The following PPP6R3 variants were observed in gnomAD, a reference collection of about 807,000 sequenced individuals.
The protein encoded by PPP6R3 is protein phosphatase 6 regulatory subunit 3, also known as serine/threonine-protein phosphatase 6 regulatory subunit 3.
A neutral mutation model predicts 110.7 loss-of-function variants in PPP6R3; 38 were observed. The observed-to-expected ratio is 0.34, with a 90% CI of 0.26 to 0.45. The LOEUF (loss-of-function observed/expected upper bound fraction) is 0.45, where lower values mean the gene tolerates loss of function less well. PPP6R3 is among the 20% of genes least tolerant of loss of function. The probability of loss-of-function intolerance (pLI) is 1.00; values close to 1 mark genes in which losing one functional copy is unlikely to be tolerated. For synonymous variants in PPP6R3, 369 were observed against 373.5 expected, an observed-to-expected ratio of 0.99 and a Z score of 0.14; for missense variants, 870 against 1,062.4, an observed-to-expected ratio of 0.82 and a Z score of 2.52.
chr11:68,470,078 C>T (rs1348176950), intron 1 of PPP6R3, among the ~76,000 whole-genome samples: 2 of 152,132 alleles, frequency 1.3e-5, no homozygotes, highest in Non-Finnish European at 2.9e-5. Context: ...AAACACTGTT[C>T]TACTGCTGGG....
intron 11 of PPP6R3, among the ~76,000 whole-genome samples, chr11:68,570,656 T>G (rs1257726419): frequency 6.6e-6 from 1 of 152,260 alleles, no homozygotes; most frequent in Non-Finnish European, 1.5e-5. Flanking sequence ...GTACAAGCAT[T>G]ACTTTGGATT....
chr11:68,573,154 A>ATATATATATATATATATATAT (rs35361909), intron 12 of PPP6R3, among the ~76,000 whole-genome samples: 23 of 74,298 alleles, frequency 3.1e-4, no homozygotes, highest in East Asian at 9.3e-4. Context: ...ATATATATAT[A>ATATATATATATATATATATAT]ATTTTTTTTT....
At chr11:68,475,594 C>T (rs2098823990) in intron 1 of PPP6R3, among the ~76,000 whole-genome samples, 1 of 149,714 alleles carries the variant, frequency 6.7e-6, no homozygotes, top group African/African-American at 2.5e-5. Context: ...GGGGCTGCCC[C>T]CCACCTCCCT....
At chr11:68,517,712 C>T (rs745918542) in intron 1 of PPP6R3, among the ~76,000 whole-genome samples, 4 of 152,168 alleles carry the variant, frequency 2.6e-5, no homozygotes, top group East Asian at 1.9e-4. Context: ...CCAAGGCGGA[C>T]GGATCACTTG....
chr11:68,589,001 G>A (rs1425585763), intron 16 of PPP6R3, among the ~76,000 whole-genome samples: 1 of 151,922 alleles, frequency 6.6e-6, no homozygotes, highest in Non-Finnish European at 1.5e-5. Flanking sequence ...GAGGTTAGGG[G>A]TTCGAGACCA....
chr11:68,583,406 A>G (rs1382286134), intron 15 of PPP6R3, among the ~76,000 whole-genome samples: 1 of 152,256 alleles, frequency 6.6e-6, no homozygotes, highest in African/African-American at 2.4e-5. Flanking sequence ...AAGGCATCTC[A>G]CACATGCTTG....
In PPP6R3 at chr11:68,587,724, T is replaced by G. The variant is rs2099583264; in HGVS notation, c.1633-203T>G. The G allele has an allele frequency of 4.6e-6, 3 of 645,948 alleles. No individual in the cohort carries two copies. The Admixed American group carries it at 6.9e-5, about 15-fold the overall frequency. 40.0% of individuals were successfully genotyped at this position (645,948 alleles called of 1,614,324 possible). A position where few individuals can be genotyped will look rare whatever the true frequency, so the allele number is the denominator to read the frequency against. On this transcript the variant is annotated intron_variant, in intron 15 of 23. Transcript: ENST00000393800. ...TCTTACAGTGACATGTGCATTAGAA[T>G]GATTTGTAGACCAAATTTCAAACGT...
At chr11:68,565,802 A>C (rs1341890732) in intron 9 of PPP6R3, among the ~76,000 whole-genome samples, 4 of 149,656 alleles carry the variant, frequency 2.7e-5, no homozygotes, top group African/African-American at 1.0e-4. Flanking sequence ...TACCGTTTGC[A>C]CCTGGTTTTA....
intron 11 of PPP6R3, 58 bp downstream of exon 11, chr11:68,569,955 C>G (rs1482401858): frequency 4.7e-6 from 7 of 1,493,292 alleles, no homozygotes; most frequent in Non-Finnish European, 5.5e-6. Context: ...CAGTTTTCCA[C>G]TTGACTGTGA....
At chr11:68,470,521 G>C (rs768559953) in intron 1 of PPP6R3, among the ~76,000 whole-genome samples, 4 of 152,114 alleles carry the variant, frequency 2.6e-5, no homozygotes, top group Non-Finnish European at 5.9e-5. Context: ...TTAAGATTTT[G>C]TCTTTTTCTC....
chr11:68,574,640 A>C (rs1032219718), intron 13 of PPP6R3, among the ~76,000 whole-genome samples: 5 of 152,206 alleles, frequency 3.3e-5, no homozygotes, highest in Non-Finnish European at 5.9e-5. Flanking sequence ...TTTAACTGGA[A>C]TATTAGGGCA....
rs1018500652 is a variant in PPP6R3, at chr11:68,519,481, C to CT, written c.-157-10dup. On this transcript the variant is annotated intron_variant, in intron 1 of 23. Coordinates refer to ENST00000393800, the MANE Select transcript of PPP6R3 (RefSeq NM_001164161.2). ...AAAAGAGAACATATGTGATTATCTG[C>CT]TTTTTTTTTTCTTTTACAGGAGAGC... The CT allele has an allele frequency of 6.2e-3, 2,064 of 334,512 alleles. No homozygotes were observed. Among genetic ancestry groups the CT allele is most frequent in the Non-Finnish European group, 7.2e-3 (1,345 of 185,746 alleles). 20.7% of individuals were successfully genotyped at this position (334,512 alleles called of 1,614,324 possible).
chr11:68,530,908 T>C (rs1399501269), intron 2 of PPP6R3, among the ~76,000 whole-genome samples: 2 of 152,214 alleles, frequency 1.3e-5, no homozygotes, highest in Non-Finnish European at 2.9e-5. Flanking sequence ...TTGACGATCT[T>C]GTCATCCCCA....
At chr11:68,568,382 T>C (rs978629013) in intron 10 of PPP6R3, among the ~76,000 whole-genome samples, 3 of 152,214 alleles carry the variant, frequency 2.0e-5, no homozygotes, top group Non-Finnish European at 2.9e-5. Context: ...TGAGACTAAA[T>C]TTGATGAGAC....
At chr11:68,476,308 C>G (rs960195841) in intron 1 of PPP6R3, among the ~76,000 whole-genome samples, 1 of 152,140 alleles carries the variant, frequency 6.6e-6, no homozygotes, top group Non-Finnish European at 1.5e-5. Context: ...CAAAAAAATA[C>G]GAAAACCAGT....
chr11:68,600,646 C>T, intron 20 of PPP6R3, 152 bp downstream of exon 20: 1 of 847,978 alleles, frequency 1.2e-6, no homozygotes, highest in Non-Finnish European at 1.7e-6. Context: ...TAACACAGCT[C>T]TGTGTTGTAA....
At chr11:68,609,327 C>T in intron 22 of PPP6R3, 1 of 605,048 alleles carries the variant, frequency 1.7e-6, no homozygotes, top group Non-Finnish European at 3.0e-6. Context: ...ACTCGAGGAG[C>T]CGTGAAATCC....
intron 1 of PPP6R3, among the ~76,000 whole-genome samples, chr11:68,506,775 TAAC>T (rs1475529105): frequency 6.6e-6 from 1 of 152,230 alleles, no homozygotes; most frequent in Non-Finnish European, 1.5e-5. Context: ...TCTCAGATAA[TAAC>T]CATTTGATTG....
At chr11:68,475,052 G>C (rs926173447) in intron 1 of PPP6R3, among the ~76,000 whole-genome samples, 2 of 152,136 alleles carry the variant, frequency 1.3e-5, no homozygotes, top group Non-Finnish European at 2.9e-5. Flanking sequence ...CCTAGGCAGA[G>C]GACCCTGCGG....
Sources: gnomAD v4.1 joint callset for allele counts (sites outside exome capture counted in the v4.1 genomes callset) on GRCh38, gnomAD v4.1.1 for gene constraint, MANE v1.5 for transcripts, NCBI Gene and HGNC (gene_info 2026-07-23, HGNC 2026-07-21) for gene names.